Variants in PREX1 observed in about 807,000 individuals in gnomAD.
The protein encoded by PREX1 is phosphatidylinositol 3,4,5-trisphosphate-dependent Rac exchanger 1 protein.
PREX1 carries 41 observed loss-of-function variants against 198.3 expected under a neutral mutation model. That is an observed-to-expected ratio of 0.21 (90% CI 0.16 to 0.27). The LOEUF (loss-of-function observed/expected upper bound fraction) is 0.27, where lower values mean the gene tolerates loss of function less well. Ranked by LOEUF, PREX1 falls within the 10% of genes least tolerant of loss-of-function variation. PREX1 has a pLI of 1.00. For missense variants in PREX1, 1,620 were observed against 2,200.7 expected, an observed-to-expected ratio of 0.74 and a Z score of 5.28; for synonymous variants, 843 against 887.2, an observed-to-expected ratio of 0.95 and a Z score of 0.89.
chr20:48,725,453 C>G (rs1055725177), intron 5 of PREX1, among the ~76,000 whole-genome samples: 1 of 152,264 alleles, frequency 6.6e-6, no homozygotes, highest in Non-Finnish European at 1.5e-5. Context: ...CCCACAGAAG[C>G]AGCAAACCTT....
the PREX1 span, among the ~76,000 whole-genome samples, chr20:48,869,287 G>A: frequency 7.4e-6 from 1 of 135,040 alleles, no homozygotes; most frequent in Non-Finnish European, 1.5e-5. Context: ...TTTTTGTTTT[G>A]TTTTGTTTTT....
chr20:48,711,728 T>C (rs1003068276), intron 5 of PREX1, among the ~76,000 whole-genome samples: 1 of 152,212 alleles, frequency 6.6e-6, no homozygotes, highest in Non-Finnish European at 1.5e-5. Flanking sequence ...TGGAAAAGTT[T>C]GCTGGCCCTT....
At chr20:48,766,031 T>C (rs1299880715) in intron 1 of PREX1, among the ~76,000 whole-genome samples, 2 of 152,194 alleles carry the variant, frequency 1.3e-5, no homozygotes, top group African/African-American at 4.8e-5. Flanking sequence ...GAGAATCTAA[T>C]GCCTGATGAT....
At chr20:48,874,230 C>T in the PREX1 span, among the ~76,000 whole-genome samples, 1 of 152,120 alleles carries the variant, frequency 6.6e-6, no homozygotes, top group Non-Finnish European at 1.5e-5. Context: ...CATAGCTGAA[C>T]CAGAATTCGA....
the PREX1 span, among the ~76,000 whole-genome samples, chr20:48,876,990 C>T: frequency 6.6e-6 from 1 of 152,078 alleles, no homozygotes; most frequent in African/African-American, 2.4e-5. Context: ...GATATATAGG[C>T]CGGGCGCAAT....
chr20:48,888,161 T>C, the PREX1 span, among the ~76,000 whole-genome samples: 3 of 152,040 alleles, frequency 2.0e-5, no homozygotes, highest in Non-Finnish European at 4.4e-5. Flanking sequence ...ACTTCTTACA[T>C]GGTGGCCGCA....
chr20:48,751,709 A>G (rs968834595), intron 1 of PREX1, among the ~76,000 whole-genome samples: 18 of 152,074 alleles, frequency 1.2e-4, no homozygotes, highest in African/African-American at 4.1e-4. Context: ...TCCCTTAGAC[A>G]CAATACTGTT....
At position 48,742,737 on chromosome 20, in the gene PREX1, C is replaced by G. The variant is rs533435090; in HGVS notation, c.414+2288G>C. Among the ~76,000 whole-genome samples the G allele has an allele frequency of 1.7e-4, 26 of 152,292 alleles. No individual in the cohort carries two copies. In the South Asian group the frequency reaches 2.1e-3, roughly 12 times the overall value. ...ACTGAACTCCCCGTCCCCAGCCCCC[C>G]AGCCCTCCGCTGCATCTCTGAGCAA... On this transcript the variant is annotated intron_variant, in intron 3 of 39. Transcript: ENST00000371941.
intron 14 of PREX1, among the ~76,000 whole-genome samples, chr20:48,671,448 C>A (rs999695224): frequency 6.6e-6 from 1 of 152,178 alleles, no homozygotes; most frequent in Admixed American, 6.5e-5. Flanking sequence ...AAACTCCAGA[C>A]AATAAATTAT....
the PREX1 span, among the ~76,000 whole-genome samples, chr20:48,883,740 C>A: frequency 6.6e-6 from 1 of 151,940 alleles, no homozygotes; most frequent in Non-Finnish European, 1.5e-5. Context: ...TAAAGAAGAC[C>A]GAAATAAAAG....
the PREX1 span, among the ~76,000 whole-genome samples, chr20:48,855,087 G>A: frequency 1.2e-4 from 19 of 152,054 alleles, 1 homozygote; most frequent in Non-Finnish European, 2.1e-4. Context: ...TTATCATACC[G>A]ATTATTATCC....
At chr20:48,787,220 A>C (rs1322945673) in intron 1 of PREX1, among the ~76,000 whole-genome samples, 2 of 152,146 alleles carry the variant, frequency 1.3e-5, no homozygotes, top group Admixed American at 1.3e-4. Flanking sequence ...TCTTCCTTTT[A>C]GCCCTGGAAA....
In PREX1 at chr20:48,716,109, G is replaced by A. The variant is rs137963082; in HGVS notation, c.622-7688C>T. Among the ~76,000 whole-genome samples, 1,073 of 152,344 alleles carry A rather than the reference G, an allele frequency of 7.0e-3. 11 individuals are homozygous for A. Among genetic ancestry groups the A allele is most frequent in the African/African-American group, 0.025 (1,020 of 41,576 alleles). On this transcript the variant is annotated intron_variant, in intron 5 of 39. Coordinates refer to ENST00000371941, the MANE Select transcript of PREX1 (RefSeq NM_020820.4). ...TTAGAAAAACTGAGTGCAGGGAAGA[G>A]AGGGGTGTGCCAGGGCTACCCTGTG...
intron 1 of PREX1, among the ~76,000 whole-genome samples, chr20:48,765,253 C>A (rs962958266): frequency 6.6e-6 from 1 of 152,192 alleles, no homozygotes; most frequent in African/African-American, 2.4e-5. Flanking sequence ...GTTTAGTAAG[C>A]TGCAAAATGC....
chr20:48,831,453 G>C (rs911316210), upstream of PREX1, among the ~76,000 whole-genome samples: 3 of 152,194 alleles, frequency 2.0e-5, no homozygotes, highest in Non-Finnish European at 4.4e-5. Flanking sequence ...CTGGGCATTG[G>C]GCGGGGTCCT....
chr20:48,804,350 G>A (rs561493243), intron 1 of PREX1, among the ~76,000 whole-genome samples: 1 of 152,232 alleles, frequency 6.6e-6, no homozygotes, highest in Non-Finnish European at 1.5e-5. Context: ...GAGGGAGACA[G>A]AGGGGGAGCA....
intron 18 of PREX1, among the ~76,000 whole-genome samples, chr20:48,656,110 C>T (rs746045451): frequency 2.0e-5 from 3 of 152,168 alleles, no homozygotes; most frequent in Admixed American, 6.5e-5. Context: ...TAAGTCAGCT[C>T]GCCTTTTTAC....
chr20:48,632,189 G>C, intron 35 of PREX1, 88 bp downstream of exon 35: 1 of 1,263,634 alleles, frequency 7.9e-7, no homozygotes, highest in Non-Finnish European at 1.1e-6. Flanking sequence ...GCCCATGCTG[G>C]GGGTCCGCCT....
chr20:48,801,894 T>C (rs547732016), intron 1 of PREX1, among the ~76,000 whole-genome samples: 2 of 152,120 alleles, frequency 1.3e-5, no homozygotes, highest in Non-Finnish European at 2.9e-5. Flanking sequence ...AAGAGTGGGT[T>C]GTTATAAAGC....
Sources: allele counts gnomAD v4.1 joint callset (sites outside exome capture counted in the v4.1 genomes callset), GRCh38; gene constraint gnomAD v4.1.1; transcripts MANE v1.5; gene names NCBI Gene and HGNC (gene_info 2026-07-23, HGNC 2026-07-21).